DLG2: variants seen among roughly 807,000 people sequenced by gnomAD.
DLG2 encodes the protein discs large MAGUK scaffold protein 2, also known as disks large homolog 2.
Under a neutral mutation model 132.5 loss-of-function variants are expected in DLG2, and 45 were observed. The observed-to-expected ratio is 0.34, with a 90% CI of 0.27 to 0.44. DLG2 has a LOEUF of 0.44. Among genes scored for constraint, DLG2 ranks in the 20% least tolerant of loss-of-function variants. The pLI is 1.00. For synonymous variants in DLG2, 424 were observed against 419.6 expected (o/e 1.01, Z -0.13); for missense variants, 1,045 against 1,196.9 (o/e 0.87, Z 1.87).
At chr11:85,455,551 C>A (rs1422323180) in intron 3 of DLG2, among the ~76,000 whole-genome samples, 4 of 152,120 alleles carry the variant, frequency 2.6e-5, no homozygotes, top group Non-Finnish European at 4.4e-5. Flanking sequence ...CCAGGACTAC[C>A]AGTACTATGC....
Position 84,977,801 on chromosome 11 carries a change from T to C in DLG2, c.357+133860A>G, listed in dbSNP as rs117884243. 1.6e-3 allele frequency among the ~76,000 whole-genome samples: 251 copies of C among 152,270 alleles called. 4 individuals are homozygous for C. In the South Asian group the frequency reaches 0.024, roughly 14 times the overall value. The stretch of plus-strand genomic sequence containing the variant: ...TATTTAACAGGGAATTCCTGATAAA[T>C]ATTTTGTACCTGGGGGGTGCCATGA... On this transcript the variant is annotated intron_variant, in intron 6 of 27. Coordinates refer to ENST00000376104, the MANE Select transcript of DLG2 (RefSeq NM_001142699.3).
chr11:85,526,580 T>C (rs1028907890), intron 3 of DLG2, among the ~76,000 whole-genome samples: 1 of 152,214 alleles, frequency 6.6e-6, no homozygotes, highest in Non-Finnish European at 1.5e-5. Flanking sequence ...TCTGGAGTTA[T>C]ACCAAGAATG....
chr11:85,493,309 A>T (rs574842540), intron 3 of DLG2, among the ~76,000 whole-genome samples: 30 of 152,272 alleles, frequency 2.0e-4, no homozygotes, highest in Non-Finnish European at 3.5e-4. Flanking sequence ...TATCTTGCTC[A>T]TTTCCATCTT....
intron 7 of DLG2, among the ~76,000 whole-genome samples, chr11:84,469,520 C>A (rs2099103144): frequency 6.6e-6 from 1 of 151,598 alleles, no homozygotes; most frequent in African/African-American, 2.4e-5. Flanking sequence ...TTGCAGTAGA[C>A]ATTTGCATCA....
At chr11:84,000,250 A>G (rs1170584753) in intron 11 of DLG2, among the ~76,000 whole-genome samples, 1 of 152,128 alleles carries the variant, frequency 6.6e-6, no homozygotes, top group Non-Finnish European at 1.5e-5. Flanking sequence ...TGAAAGCTTC[A>G]ACACTAGATT....
At chr11:84,934,141 T>G (rs1327781100) in intron 6 of DLG2, among the ~76,000 whole-genome samples, 1 of 152,218 alleles carries the variant, frequency 6.6e-6, no homozygotes, top group African/African-American at 2.4e-5. Context: ...ATGTGGTTTT[T>G]GTCTTTATTT....
chr11:85,546,932 C>T (rs2153217662), intron 3 of DLG2, among the ~76,000 whole-genome samples: 1 of 148,224 alleles, frequency 6.7e-6, no homozygotes, highest in South Asian at 2.2e-4. Context: ...GAATACAGCA[C>T]ATCAATGGGT....
At position 85,483,266 on chromosome 11, in the gene DLG2, C is replaced by A. The variant is rs73503557; in HGVS notation, c.40+115391G>T. On this transcript the variant is annotated intron_variant, in intron 3 of 27. Transcript: ENST00000376104. ...TTCCAATAAGGCTAGCAACAAATTT[C>A]TCAGCAGGGACGTTACAGGCCAAGA... 9.6e-3 allele frequency among the ~76,000 whole-genome samples: 1,463 copies of A among 152,236 alleles called. 21 individuals are homozygous for A. Among genetic ancestry groups the A allele is most frequent in the African/African-American group, 0.033 (1,381 of 41,516 alleles).
chr11:84,466,936 G>C (rs1444471606), intron 7 of DLG2, among the ~76,000 whole-genome samples: 1 of 151,064 alleles, frequency 6.6e-6, no homozygotes, highest in African/African-American at 2.4e-5. Flanking sequence ...AAATTTTAAG[G>C]GAACATTATG....
intron 18 of DLG2, among the ~76,000 whole-genome samples, chr11:83,652,331 T>G (rs1244485729): frequency 6.6e-6 from 1 of 152,164 alleles, no homozygotes; most frequent in Non-Finnish European, 1.5e-5. Flanking sequence ...ATGATTAAGA[T>G]GAATAGTCCT....
intron 18 of DLG2, among the ~76,000 whole-genome samples, chr11:83,748,392 C>T (rs1277077655): frequency 3.3e-5 from 5 of 152,172 alleles, no homozygotes; most frequent in Admixed American, 2.6e-4. Context: ...CATGTTCAAC[C>T]TAGTTTAAAT....
intron 7 of DLG2, among the ~76,000 whole-genome samples, chr11:84,320,346 T>C (rs960827325): frequency 2.0e-5 from 3 of 152,228 alleles, no homozygotes; most frequent in African/African-American, 7.2e-5. Flanking sequence ...CAGAATCTTT[T>C]TCCAGATAAA....
At chr11:84,730,480 C>T (rs1015046958) in intron 6 of DLG2, among the ~76,000 whole-genome samples, 6 of 152,020 alleles carry the variant, frequency 3.9e-5, no homozygotes, top group African/African-American at 1.4e-4. Flanking sequence ...AAATGTCAAC[C>T]AAGCACAGCA....
intron 19 of DLG2, among the ~76,000 whole-genome samples, chr11:83,602,185 T>C (rs1263184011): frequency 6.6e-6 from 1 of 152,228 alleles, no homozygotes; most frequent in Non-Finnish European, 1.5e-5. Flanking sequence ...CAATTAATTT[T>C]CTTACAAACT....
chr11:85,400,992 A>C (rs1436442267), intron 3 of DLG2, among the ~76,000 whole-genome samples: 1 of 151,898 alleles, frequency 6.6e-6, no homozygotes, highest in Non-Finnish European at 1.5e-5. Context: ...TTATGAGGCT[A>C]GCATCATCCT....
intron 15 of DLG2, among the ~76,000 whole-genome samples, chr11:83,910,775 A>T (rs1216177286): frequency 6.6e-6 from 1 of 152,144 alleles, no homozygotes; most frequent in Non-Finnish European, 1.5e-5. Context: ...TTGAGAAGAC[A>T]TTTCAGTTGC....
At chr11:84,624,364 C>G (rs1361010539) in intron 6 of DLG2, among the ~76,000 whole-genome samples, 2 of 152,144 alleles carry the variant, frequency 1.3e-5, no homozygotes, top group Admixed American at 1.3e-4. Context: ...GATAATAACA[C>G]TTTATTTCAA....
chr11:84,874,763 G>A (rs941909037), intron 6 of DLG2, among the ~76,000 whole-genome samples: 2 of 152,100 alleles, frequency 1.3e-5, no homozygotes, highest in African/African-American at 4.8e-5. Flanking sequence ...GCTCATATCT[G>A]TAATCCCAGC....
Position 85,373,166 on chromosome 11 carries a change from C to T in DLG2, c.41-87801G>A, listed in dbSNP as rs181198066. 2.4e-3 allele frequency among the ~76,000 whole-genome samples: 368 copies of T among 152,194 alleles called. 3 individuals are homozygous for T. The highest frequency in any genetic ancestry group is 8.5e-3 in the African/African-American group (352 of 41,540). ...CCAACATGCTGGCCAAAGGGTAAAG[C>T]TTTTTTTAACCAGTCGGACTTTTGG... is the stretch of plus-strand genomic sequence containing the variant. On this transcript the variant is annotated intron_variant, in intron 3 of 27. Coordinates refer to ENST00000376104, the MANE Select transcript of DLG2 (RefSeq NM_001142699.3).
Sources: allele counts gnomAD v4.1 joint callset (sites outside exome capture counted in the v4.1 genomes callset), GRCh38; gene constraint gnomAD v4.1.1; transcripts MANE v1.5; gene names NCBI Gene and HGNC (gene_info 2026-07-23, HGNC 2026-07-21).